Variants in CSRP3 observed in about 807,000 individuals in gnomAD.
CSRP3 encodes cysteine and glycine-rich protein 3.
In CSRP3, 24 loss-of-function variants were observed where a neutral mutation model predicts 24.3. That is an observed-to-expected ratio of 0.99 (90% CI 0.71 to 1.39). The LOEUF (loss-of-function observed/expected upper bound fraction) is 1.39. CSRP3 is among the 40% of genes most tolerant of loss of function. The pLI, the probability that CSRP3 is intolerant of heterozygous loss-of-function variation, is 0.00. For missense variants in CSRP3, 240 were observed against 249.0 expected (o/e 0.96, Z 0.24); for synonymous variants, 105 against 94.0 (o/e 1.12, Z -0.68).
At chr11:19,196,188 AG>A (rs1850699838) in intron 1 of CSRP3, among the ~76,000 whole-genome samples, 1 of 152,198 alleles carries the variant, frequency 6.6e-6, no homozygotes, top group African/African-American at 2.4e-5. Context: ...ACTTGAACCC[AG>A]GAGGTGGAAG....
intron 1 of CSRP3, among the ~76,000 whole-genome samples, chr11:19,194,478 C>T (rs866491685): frequency 2.0e-4 from 31 of 152,140 alleles, no homozygotes; most frequent in South Asian, 2.1e-4. Flanking sequence ...GAGTTTGAGA[C>T]CAGCCTGGGC....
chr11:19,195,362 TA>T lies in CSRP3; in HGVS notation c.-28-2887del, dbSNP rs1002670023. 2.6e-4 allele frequency among the ~76,000 whole-genome samples: 39 copies of T among 152,298 alleles called. 1 individual carries two copies. The East Asian group carries it at 6.6e-3, about 26-fold the overall frequency. On this transcript the variant is annotated intron_variant, in intron 1 of 5. Transcript: ENST00000265968. ...GTATTTAAAAGTAAGCATTTAGGGA[TA>T]TTTTTCTTAGCCAACTTCTTTTTAT...
At position 19,192,351 on chromosome 11, in the gene CSRP3, G is replaced by A. The variant is rs758947977; in HGVS notation, c.98C>T (p.Thr33Met). 1.9e-5 allele frequency: 30 copies of A among 1,613,788 alleles called. No individual in the cohort carries two copies. The highest frequency in any genetic ancestry group is 2.5e-5 in the Non-Finnish European group (29 of 1,179,776). The change falls in exon 2 of 6, where the codon ACG (threonine) becomes ATG (methionine). Residue 33 changes from threonine (T) to methionine (M), a missense_variant. Physicochemically the swap from Thr to Met is moderately conservative, Grantham distance 81. Transcript: ENST00000265968. ...IQCNGRSFHK[T>M]CFHCMACRKA... Reference sequence around the variant, plus strand: ...ACCCAACTCACTGCAGTGGAAACACGTCTTGTGGAAACTCCTTCCATTGCA... The same window carrying A: ...ACCCAACTCACTGCAGTGGAAACACATCTTGTGGAAACTCCTTCCATTGCA...
At chr11:19,185,156 C>G in intron 4 of CSRP3, 111 bp from the exon 5 acceptor site, 2 of 802,696 alleles carry the variant, frequency 2.5e-6, no homozygotes, top group Non-Finnish European at 4.3e-6. Flanking sequence ...TAACCATTTG[C>G]TTACCTAATG....
chr11:19,198,085 A>G (rs1850771765), intron 1 of CSRP3, among the ~76,000 whole-genome samples: 1 of 152,208 alleles, frequency 6.6e-6, no homozygotes, highest in South Asian at 2.1e-4. Flanking sequence ...AGCTTTACAT[A>G]TATTATTTTA....
chr11:19,194,260 A>G (rs1453686776), intron 1 of CSRP3, among the ~76,000 whole-genome samples: 1 of 152,208 alleles, frequency 6.6e-6, no homozygotes, highest in Non-Finnish European at 1.5e-5. Flanking sequence ...CTATCTAAAT[A>G]TTCCCCCAAA....
At chr11:19,197,555 C>CTTTCTT (rs1491315069) in intron 1 of CSRP3, among the ~76,000 whole-genome samples, 1 of 128,308 alleles carries the variant, frequency 7.8e-6, no homozygotes, top group Non-Finnish European at 1.6e-5. Flanking sequence ...TTCTTTCTTT[C>CTTTCTT]TTTCTTTCTT....
intron 5 of CSRP3, among the ~76,000 whole-genome samples, chr11:19,183,058 T>C (rs1331882977): frequency 6.6e-6 from 1 of 152,026 alleles, no homozygotes; most frequent in Non-Finnish European, 1.5e-5. Context: ...CTGGGGAGGC[T>C]GAGGCAGGAG....
chr11:19,200,518 AAGG>A (rs1386901840), intron 1 of CSRP3, among the ~76,000 whole-genome samples: 56 of 151,766 alleles, frequency 3.7e-4, no homozygotes, highest in Non-Finnish European at 5.9e-5. Flanking sequence ...CTCTCCTTCG[AAGG>A]AGGAGGCCCC....
intron 1 of CSRP3, among the ~76,000 whole-genome samples, chr11:19,192,751 G>A (rs1284003433): frequency 6.6e-6 from 1 of 152,042 alleles, no homozygotes; most frequent in African/African-American, 2.4e-5. Flanking sequence ...AGGGCTCCCG[G>A]AAGGAATGAA....
intron 1 of CSRP3, among the ~76,000 whole-genome samples, chr11:19,200,994 C>T (rs1406375816): frequency 6.6e-6 from 1 of 152,160 alleles, no homozygotes; most frequent in East Asian, 1.9e-4. Flanking sequence ...CTCAACTCCT[C>T]CTTCTTGGAG....
chr11:19,190,825 T>C (rs141036336), intron 2 of CSRP3, among the ~76,000 whole-genome samples: 7 of 152,322 alleles, frequency 4.6e-5, no homozygotes, highest in African/African-American at 1.4e-4. Flanking sequence ...TCCTGAAATG[T>C]ATGCTGCTCA....
chr11:19,185,776 C>T (rs1333838411), intron 4 of CSRP3, among the ~76,000 whole-genome samples: 13 of 152,326 alleles, frequency 8.5e-5, no homozygotes, highest in Non-Finnish European at 1.2e-4. Context: ...CATCTGATGA[C>T]TTTCCTGAGA....
chr11:19,190,503 T>A (rs1850596590), intron 2 of CSRP3, among the ~76,000 whole-genome samples: 1 of 152,272 alleles, frequency 6.6e-6, no homozygotes, highest in Non-Finnish European at 1.5e-5. Flanking sequence ...AAGATTAATT[T>A]CATCTGTTTA....
rs112848043 is a variant in CSRP3 at position 19,188,255 on chromosome 11, C to T, written c.162G>A (p.Ser54=). Reference sequence around the variant, plus strand: ...CATAGCACACCTTGCAGTAGATCTCCGACTCATGAGCCGCGACTGTCGTGC... The same window carrying T: ...CATAGCACACCTTGCAGTAGATCTCTGACTCATGAGCCGCGACTGTCGTGC... ...LDSTTVAAHE[S]EIYCKVCYGR... Residue 54 remains serine (S), a synonymous_variant, in exon 3 of 6, where the codon TCG becomes TCA. Coordinates refer to ENST00000265968, the MANE Select transcript of CSRP3 (RefSeq NM_003476.5). 1.8e-4 allele frequency: 298 copies of T among 1,613,074 alleles called. 1 individual carries two copies. The African/African-American group carries it at 3.1e-3, about 17-fold the overall frequency.
At chr11:19,194,280 C>T (rs190546755) in intron 1 of CSRP3, among the ~76,000 whole-genome samples, 1 of 152,292 alleles carries the variant, frequency 6.6e-6, no homozygotes, top group East Asian at 1.9e-4. Context: ...AGAGCTTTTC[C>T]TGCTTAGAAA....
Position 19,188,396 on chromosome 11 carries a change from G to A in CSRP3, c.113-92C>T, listed in dbSNP as rs2288250. ...TGCCATGCTCGGGGCCAGAGACCCA[G>A]CATGAGGGGCCCCTGAGCCAAGAAT... On this transcript the variant is annotated intron_variant, in intron 2 of 5. Coordinates refer to ENST00000265968, the MANE Select transcript of CSRP3 (RefSeq NM_003476.5). The A allele has an allele frequency of 0.17, 243,202 of 1,409,058 alleles. 23,439 individuals are homozygous for A. Among genetic ancestry groups the A allele is most frequent in the Admixed American group, 0.35 (20,065 of 58,094 alleles). 87.3% of individuals were successfully genotyped at this position (1,409,058 alleles called of 1,614,324 possible).
chr11:19,192,620 T>C, intron 1 of CSRP3, 144 bp from the exon 2 acceptor site: 1 of 681,532 alleles, frequency 1.5e-6, no homozygotes. Context: ...AAACAGCTAC[T>C]GTGTGCTAGT....
intron 1 of CSRP3, among the ~76,000 whole-genome samples, chr11:19,196,324 C>T (rs1369617111): frequency 3.3e-5 from 5 of 152,116 alleles, no homozygotes; most frequent in Admixed American, 6.5e-5. Context: ...ATTCTAATCT[C>T]GACCTTGAAC....
Sources: gnomAD v4.1 joint callset for allele counts (sites outside exome capture counted in the v4.1 genomes callset) on GRCh38, gnomAD v4.1.1 for gene constraint, MANE v1.5 for transcripts, NCBI Gene and HGNC (gene_info 2026-07-23, HGNC 2026-07-21) for gene names.